Variants in FHIT observed in about 807,000 individuals in gnomAD.
FHIT encodes bis(5'-adenosyl)-triphosphatase.
Under a neutral mutation model 17.9 loss-of-function variants are expected in FHIT, and 19 were observed. The ratio of observed to expected loss-of-function variants is 1.06; its 90% CI spans 0.74 to 1.56. The LOEUF (loss-of-function observed/expected upper bound fraction) is 1.56, where lower values mean the gene tolerates loss of function less well. Ranked by LOEUF, FHIT falls within the 40% of genes most tolerant of loss-of-function variation. FHIT has a pLI of 0.00. For missense variants in FHIT, 248 were observed against 189.2 expected (o/e 1.31, Z -1.82); for synonymous variants, 81 against 69.7 (o/e 1.16, Z -0.81).
chr3:61,170,922 C>A (rs1366982183), intron 2 of FHIT, among the ~76,000 whole-genome samples: 3 of 151,950 alleles, frequency 2.0e-5, no homozygotes, highest in Non-Finnish European at 2.9e-5. Flanking sequence ...GTATTAGATA[C>A]CCAAAAAAAT....
At chr3:61,228,848 G>A (rs2040030916) in intron 1 of FHIT, among the ~76,000 whole-genome samples, 1 of 152,110 alleles carries the variant, frequency 6.6e-6, no homozygotes, top group African/African-American at 2.4e-5. Context: ...ACATTCGATG[G>A]GTCATTCATC....
At chr3:60,499,943 A>C (rs1006896240) in intron 5 of FHIT, among the ~76,000 whole-genome samples, 2 of 152,170 alleles carry the variant, frequency 1.3e-5, no homozygotes, top group Non-Finnish European at 2.9e-5. Flanking sequence ...ATGGGTTTAC[A>C]TTTATGGGTT....
intron 3 of FHIT, among the ~76,000 whole-genome samples, chr3:60,878,903 G>T (rs1228850570): frequency 6.6e-6 from 1 of 152,088 alleles, no homozygotes; most frequent in Non-Finnish European, 1.5e-5. Flanking sequence ...TGGATATATG[G>T]GTTGGTTCCA....
intron 3 of FHIT, among the ~76,000 whole-genome samples, chr3:61,022,111 A>G (rs528557580): frequency 5.3e-5 from 8 of 152,334 alleles, no homozygotes; most frequent in Admixed American, 3.3e-4. Context: ...AGACTAATAA[A>G]GAAGAAAAGA....
chr3:60,061,698 T>C (rs562545868), intron 5 of FHIT, among the ~76,000 whole-genome samples: 2 of 152,324 alleles, frequency 1.3e-5, no homozygotes, highest in East Asian at 1.9e-4. Context: ...AGAGGGTTCT[T>C]TGCTCAAAAC....
chr3:59,889,871 GTTCTT>G, intron 8 of FHIT, among the ~76,000 whole-genome samples: 1 of 152,260 alleles, frequency 6.6e-6, no homozygotes, highest in East Asian at 1.9e-4. Context: ...AAAGGGTATT[GTTCTT>G]TTCTTCCTTC....
chr3:59,761,536 A>G (rs1201698732), intron 8 of FHIT, among the ~76,000 whole-genome samples: 1 of 152,192 alleles, frequency 6.6e-6, no homozygotes, highest in Non-Finnish European at 1.5e-5. Context: ...AAAATAGAAC[A>G]ATTGTAACAA....
intron 5 of FHIT, among the ~76,000 whole-genome samples, chr3:60,441,792 A>ATGTGTGTGTGTG (rs1328363652): frequency 0.025 from 349 of 13,798 alleles, 9 homozygotes; most frequent in Middle Eastern, 0.062. Flanking sequence ...AAATATATAT[A>ATGTGTGTGTGTG]TATATATATA....
intron 5 of FHIT, among the ~76,000 whole-genome samples, chr3:60,341,763 T>C (rs1169606977): frequency 6.6e-6 from 1 of 152,210 alleles, no homozygotes; most frequent in East Asian, 1.9e-4. Flanking sequence ...TTTTTCTTTT[T>C]GTGTCTTCAT....
chr3:59,764,292 G>A (rs138110554), intron 8 of FHIT, among the ~76,000 whole-genome samples: 269 of 152,280 alleles, frequency 1.8e-3, no homozygotes, highest in Admixed American at 2.9e-3. Flanking sequence ...AGCTAAAAGA[G>A]CTATCCCAGC....
At chr3:60,775,378 C>G (rs563290148) in intron 4 of FHIT, among the ~76,000 whole-genome samples, 15 of 152,272 alleles carry the variant, frequency 9.9e-5, no homozygotes, top group Admixed American at 9.2e-4. Context: ...GGAATTTCAT[C>G]ATGTTTGCAG....
intron 5 of FHIT, among the ~76,000 whole-genome samples, chr3:60,176,066 C>T (rs1401768228): frequency 6.6e-6 from 1 of 152,108 alleles, no homozygotes; most frequent in African/African-American, 2.4e-5. Flanking sequence ...TAAATAGCCA[C>T]ATGTGGCCAG....
chr3:60,905,262 G>T (rs1221150457), intron 3 of FHIT, among the ~76,000 whole-genome samples: 1 of 152,140 alleles, frequency 6.6e-6, no homozygotes, highest in Non-Finnish European at 1.5e-5. Flanking sequence ...TCTTGCCTAT[G>T]AGATTGTCAA....
rs1488192450 is a variant in FHIT, at chr3:60,584,365, A to G, written c.-17-47386T>C. Reference sequence around the variant, plus strand: ...TATCCATTACCCCTTTCCAACAGACAAACTCCTCTTAGATCTGTTTTACAC... The same window carrying G: ...TATCCATTACCCCTTTCCAACAGACGAACTCCTCTTAGATCTGTTTTACAC... On this transcript the variant is annotated intron_variant, in intron 4 of 9. Coordinates refer to ENST00000492590, the MANE Select transcript of FHIT (RefSeq NM_002012.4). Among the ~76,000 whole-genome samples the G allele has an allele frequency of 2.0e-5, 3 of 151,976 alleles. 1 individual carries two copies. The highest frequency in any genetic ancestry group is 6.3e-3 in the Middle Eastern group (2 of 316).
rs11927785 is a variant in FHIT, at chr3:60,683,539, A to G, written c.-18+138380T>C. ...TTAAATTAAGATAACATATTTTTTT[A>G]TAATGCTATTGCATACTAGACTACT... is the stretch of plus-strand genomic sequence containing the variant. On this transcript the variant is annotated intron_variant, in intron 4 of 9. Transcript: ENST00000492590. Among the ~76,000 whole-genome samples, 1,017 of 141,412 alleles carry G rather than the reference A, an allele frequency of 7.2e-3. 12 individuals carry two copies. Among genetic ancestry groups the G allele is most frequent in the African/African-American group, 0.023 (909 of 39,016 alleles). The allele number at this position is 141,412 out of a possible 152,430, so 92.8% of individuals were successfully genotyped here. A position where few individuals can be genotyped will look rare whatever the true frequency, so the allele number is the denominator to read the frequency against.
intron 2 of FHIT, among the ~76,000 whole-genome samples, chr3:61,056,138 C>A (rs148848412): frequency 1.9e-3 from 282 of 152,288 alleles, no homozygotes; most frequent in African/African-American, 6.7e-3. Context: ...TGAGTCTTTA[C>A]CTGTTGGGTG....
At chr3:59,834,294 G>A (rs1701263904) in intron 8 of FHIT, among the ~76,000 whole-genome samples, 1 of 152,140 alleles carries the variant, frequency 6.6e-6, no homozygotes, top group South Asian at 2.1e-4. Flanking sequence ...GTTAAACGAG[G>A]TAGTGGATGG....
Position 60,962,547 on chromosome 3 carries a change from TATG to T in FHIT, c.-111+79497_-111+79499del, listed in dbSNP as rs1424945481. Among the ~76,000 whole-genome samples, 9 of 152,354 alleles carry T rather than the reference TATG, an allele frequency of 5.9e-5. No individual in the cohort carries two copies. In the South Asian group the frequency reaches 1.5e-3, roughly 25 times the overall value. Reference sequence around the variant, plus strand: ...AATGCTTCCAGTTTTGCCAATTCAGTATGATATTGGCTGTGGGTTTGTCATAGA... The same window carrying T: ...AATGCTTCCAGTTTTGCCAATTCAGTATATTGGCTGTGGGTTTGTCATAGA... On this transcript the variant is annotated intron_variant, in intron 3 of 9. Coordinates refer to ENST00000492590, the MANE Select transcript of FHIT (RefSeq NM_002012.4).
chr3:59,857,706 T>TTTTTTTTG (rs1702220811), intron 8 of FHIT, among the ~76,000 whole-genome samples: 3 of 54,258 alleles, frequency 5.5e-5, no homozygotes, highest in South Asian at 1.5e-3. Flanking sequence ...AAGTGCTGGG[T>TTTTTTTTG]TTTTTTTTTT....
Sources: gnomAD v4.1 joint callset for allele counts (sites outside exome capture counted in the v4.1 genomes callset) on GRCh38, gnomAD v4.1.1 for gene constraint, MANE v1.5 for transcripts, NCBI Gene and HGNC (gene_info 2026-07-23, HGNC 2026-07-21) for gene names.